Variants in CHD2 observed in about 807,000 individuals in gnomAD.
The protein encoded by CHD2 is ATP-dependent chromatin remodeler CHD2.
A neutral mutation model predicts 243.9 loss-of-function variants in CHD2; 28 were observed. The observed-to-expected ratio is 0.11, with a 90% CI of 0.09 to 0.16. CHD2 has a LOEUF of 0.16. Ranked by LOEUF, CHD2 falls within the 10% of genes least tolerant of loss-of-function variation. The pLI is 1.00. For synonymous variants in CHD2, 775 were observed against 779.0 expected (o/e 0.99, Z 0.09); for missense variants, 1,386 against 2,209.8 (o/e 0.63, Z 7.47).
chr15:92,993,901 T>A lies in CHD2; in HGVS notation c.3595+903T>A, dbSNP rs150225159. On this transcript the variant is annotated intron_variant, in intron 28 of 38. Transcript: ENST00000394196. ...AGGCAGAGGCTGCAGTGAGTTGAGA[T>A]CATGCCGCTGCAGTGAGTTGAGATC... 4.2e-3 allele frequency among the ~76,000 whole-genome samples: 645 copies of A among 152,108 alleles called. 4 individuals are homozygous for A. The highest frequency in any genetic ancestry group is 7.0e-3 in the Non-Finnish European group (478 of 68,000).
rs2054566818 is a variant in CHD2 at position 93,024,234 on chromosome 15, T to C, written c.5154-138T>C. On this transcript the variant is annotated intron_variant, in intron 38 of 38. Coordinates refer to ENST00000394196, the MANE Select transcript of CHD2 (RefSeq NM_001271.4). ...TAATAAGTGTAAAATGACTCTGTTA[T>C]TAATTTTTTTGATTCCTAATAATGT... is the stretch of plus-strand genomic sequence containing the variant. The C allele has an allele frequency of 2.4e-5, 18 of 739,884 alleles. No individual in the cohort carries two copies. In the East Asian group the frequency reaches 4.9e-4, roughly 20 times the overall value. 45.8% of individuals were successfully genotyped at this position (739,884 alleles called of 1,614,324 possible). A position where few individuals can be genotyped will look rare whatever the true frequency, so the allele number is the denominator to read the frequency against.
chr15:92,999,887 CA>C (rs1370513874), intron 31 of CHD2, among the ~76,000 whole-genome samples: 3 of 151,928 alleles, frequency 2.0e-5, no homozygotes, highest in African/African-American at 7.3e-5. Context: ...CTTTTGTATA[CA>C]GAGTGATTTT....
intron 26 of CHD2, among the ~76,000 whole-genome samples, chr15:92,988,420 AAG>A (rs1970802921): frequency 6.6e-6 from 1 of 152,124 alleles, no homozygotes; most frequent in African/African-American, 2.4e-5. Context: ...ATAGAAGGAA[AAG>A]AGTTACAAAA....
chr15:92,973,855 A>G (rs760424910), intron 19 of CHD2: 20 of 152,198 alleles, frequency 1.3e-4, no homozygotes, highest in Non-Finnish European at 2.4e-4. Context: ...AGGTTTTCTG[A>G]TTTCAAGTAA....
intron 2 of CHD2, among the ~76,000 whole-genome samples, chr15:92,920,040 C>G (rs533898987): frequency 5.1e-4 from 77 of 152,304 alleles, no homozygotes; most frequent in African/African-American, 1.8e-3. Flanking sequence ...CCATGGAACT[C>G]ACAAGTATAC....
chr15:92,958,053 G>A (rs773381044), intron 16 of CHD2, among the ~76,000 whole-genome samples: 1 of 152,086 alleles, frequency 6.6e-6, no homozygotes, highest in Non-Finnish European at 1.5e-5. Flanking sequence ...TGGACATTTG[G>A]ATTGCTTTGT....
At chr15:92,901,831 C>T (rs1041328157) in intron 2 of CHD2, 18 of 258,056 alleles carry the variant, frequency 7.0e-5, no homozygotes, top group African/African-American at 3.7e-4. Flanking sequence ...GACCCTTTGA[C>T]TGATGCCTCT....
chr15:93,002,110 T>C, intron 32 of CHD2, 67 bp from the exon 33 acceptor site: 1 of 1,534,030 alleles, frequency 6.5e-7, no homozygotes, highest in Non-Finnish European at 8.7e-7. Context: ...GTGCTTCTTT[T>C]TCCAGAAAGT....
Position 93,024,122 on chromosome 15 carries a change from G to A in CHD2, c.5154-250G>A, listed in dbSNP as rs57742857. Reference sequence around the variant, plus strand: ...TCTTACCAGATTTTTCCTAAAGGGAGTGAGTTTGCAAAAGCCATCAGTAAT... The same window carrying A: ...TCTTACCAGATTTTTCCTAAAGGGAATGAGTTTGCAAAAGCCATCAGTAAT... On this transcript the variant is annotated intron_variant, in intron 38 of 38. Coordinates refer to ENST00000394196, the MANE Select transcript of CHD2 (RefSeq NM_001271.4). Among the ~76,000 whole-genome samples, 13,232 of 151,618 alleles carry A rather than the reference G, an allele frequency of 0.087. 2,140 individuals carry two copies. The highest frequency in any genetic ancestry group is 0.76 in the East Asian group (3,915 of 5,168).
chr15:92,979,867 G>A (rs575196643), intron 22 of CHD2, among the ~76,000 whole-genome samples: 3 of 151,766 alleles, frequency 2.0e-5, no homozygotes, highest in South Asian at 2.1e-4. Flanking sequence ...ACAGTGAGCC[G>A]AGATTGTGCC....
intron 35 of CHD2, among the ~76,000 whole-genome samples, chr15:93,010,730 G>A (rs1455134593): frequency 6.6e-6 from 1 of 152,134 alleles, no homozygotes; most frequent in Non-Finnish European, 1.5e-5. Context: ...AGCCATGGCT[G>A]GAAATTCTAA....
rs138799483 is a variant in CHD2, at chr15:92,937,901, T to G, written c.551+276T>G. ...ACAGTCTCTTTTTGGGAGAACAAAT[T>G]GTTTAAAACACTGTTTGCCTGGCTT... On this transcript the variant is annotated intron_variant, in intron 6 of 38. Transcript: ENST00000394196. 4.1e-4 allele frequency among the ~76,000 whole-genome samples: 62 copies of G among 152,368 alleles called. 1 individual carries two copies. In the East Asian group the frequency reaches 0.011, roughly 26 times the overall value.
chr15:93,002,257 T>G lies in CHD2; in HGVS notation c.4218T>G (p.Ser1406Arg), dbSNP rs2054266615. The G allele has an allele frequency of 6.3e-7, 1 of 1,590,078 alleles. No homozygotes were observed. Among genetic ancestry groups the G allele is most frequent in the Non-Finnish European group, 8.6e-7 (1 of 1,169,452 alleles). ...ENKENKEKQM[S>R]SRKDKEGDKE... ...AGGAGAACAAGGAGAAACAAATGAG[T>G]TCTAGGAAAGACAAAGAAGGGGACA... The change falls in exon 33 of 39, where the codon AGT (serine) becomes AGG (arginine). Residue 1406 changes from serine (S) to arginine (R), a missense_variant. Transcript: ENST00000394196.
chr15:92,970,937 G>C (rs1028782745), intron 17 of CHD2, among the ~76,000 whole-genome samples: 1 of 151,920 alleles, frequency 6.6e-6, no homozygotes, highest in Non-Finnish European at 1.5e-5. Context: ...AATATACATG[G>C]GTATACATGA....
chr15:92,964,931 AT>A (rs1276032916), intron 16 of CHD2, among the ~76,000 whole-genome samples: 1 of 151,834 alleles, frequency 6.6e-6, no homozygotes, highest in Non-Finnish European at 1.5e-5. Context: ...CAATCTCTTA[AT>A]TTTTTTTGCA....
chr15:92,940,954 A>T (rs1240488140), intron 7 of CHD2, among the ~76,000 whole-genome samples: 1 of 124,302 alleles, frequency 8.0e-6, no homozygotes, highest in African/African-American at 3.0e-5. Flanking sequence ...TATAAATATA[A>T]ATATATATAA....
chr15:92,933,153 C>G (rs1162080057), intron 5 of CHD2, among the ~76,000 whole-genome samples: 1 of 151,578 alleles, frequency 6.6e-6, no homozygotes, highest in Admixed American at 6.6e-5. Context: ...GATCCTCTTG[C>G]TTCAGTCTCC....
At chr15:92,947,499 G>A (rs1310313761) in intron 12 of CHD2, 1 of 152,286 alleles carries the variant, frequency 6.6e-6, no homozygotes, top group Non-Finnish European at 1.5e-5. Context: ...ACCTCGAAGG[G>A]TATTTTGACT....
chr15:93,006,527 A>G (rs902913871), intron 34 of CHD2, among the ~76,000 whole-genome samples: 16 of 152,354 alleles, frequency 1.1e-4, no homozygotes, highest in African/African-American at 3.1e-4. Context: ...TGTAAAGATG[A>G]TAATAGCTCA....
Sources: gnomAD v4.1 joint callset for allele counts (sites outside exome capture counted in the v4.1 genomes callset) on GRCh38, gnomAD v4.1.1 for gene constraint, MANE v1.5 for transcripts, NCBI Gene and HGNC (gene_info 2026-07-23, HGNC 2026-07-21) for gene names.